HCLS1: variants seen among roughly 807,000 people sequenced by gnomAD.
HCLS1 encodes the protein hematopoietic cell-specific Lyn substrate 1, also known as hematopoietic lineage cell-specific protein.
In HCLS1, 44 loss-of-function variants were observed where a neutral mutation model predicts 68.6. The observed-to-expected ratio is 0.64, with a 90% CI of 0.50 to 0.82. The LOEUF (loss-of-function observed/expected upper bound fraction) is 0.82, where lower values mean the gene tolerates loss of function less well. Among genes scored for constraint, HCLS1 ranks in the 40% least tolerant of loss-of-function variants. The probability of loss-of-function intolerance (pLI) is 0.00; values close to 1 mark genes in which losing one functional copy is unlikely to be tolerated. For missense variants in HCLS1, 602 were observed against 612.1 expected, an observed-to-expected ratio of 0.98 and a Z score of 0.17; for synonymous variants, 217 against 225.8, an observed-to-expected ratio of 0.96 and a Z score of 0.35.
At chr3:121,646,378 TATGTAATATATTAC>T (rs1937605084) in intron 4 of HCLS1, among the ~76,000 whole-genome samples, 2 of 49,574 alleles carry the variant, frequency 4.0e-5, no homozygotes, top group Non-Finnish European at 7.6e-5. Flanking sequence ...ATATTATTAC[TATGTAATATATTAC>T]TATGTAATAT....
At chr3:121,644,792 G>A (rs773456612) in intron 5 of HCLS1, 26 bp downstream of exon 5, 5 of 1,487,330 alleles carry the variant, frequency 3.4e-6, no homozygotes, top group Non-Finnish European at 2.8e-6. Context: ...GGAGGTGGGT[G>A]GTTGGGAGAG....
In HCLS1 at chr3:121,657,213, TCTCCGAGTTTTC is replaced by T. The variant is rs1273518238; in HGVS notation, c.158+54_158+65del. ...TTTTCCTCCCTCACCTTCCCCCAAGTCTCCGAGTTTTCTTTGGGCTCTTCCCATAACCCCCTT... is the reference window on the plus strand; with the variant it reads ...TTTTCCTCCCTCACCTTCCCCCAAGTTTTGGGCTCTTCCCATAACCCCCTT... On this transcript the variant is annotated intron_variant, in intron 3 of 13. Transcript: ENST00000314583. 2.2e-5 allele frequency: 30 copies of T among 1,358,928 alleles called. No individual in the cohort carries two copies. In the African/African-American group the frequency reaches 4.1e-4, roughly 18 times the overall value. 84.2% of individuals were successfully genotyped at this position (1,358,928 alleles called of 1,614,324 possible).
At chr3:121,637,804 T>A (rs1399034132) in intron 6 of HCLS1, among the ~76,000 whole-genome samples, 1 of 152,034 alleles carries the variant, frequency 6.6e-6, no homozygotes, top group Non-Finnish European at 1.5e-5. Context: ...GGCATGGTGA[T>A]GTGCGTCTGT....
intron 3 of HCLS1, among the ~76,000 whole-genome samples, chr3:121,651,421 T>C (rs1937745632): frequency 6.6e-6 from 1 of 152,038 alleles, no homozygotes. Flanking sequence ...GTTGGTTTTG[T>C]TGTTGTTGTT....
chr3:121,636,509 G>C lies in HCLS1; in HGVS notation c.566-20C>G. ...CATAATCTGCAGGACAGAAAGTTCT[G>C]AGTTATAGGAGATCAAAATGCTGGG... On this transcript the variant is annotated intron_variant, in intron 7 of 13. Coordinates refer to ENST00000314583, the MANE Select transcript of HCLS1 (RefSeq NM_005335.6). 1 of 1,600,154 alleles carries C rather than the reference G, an allele frequency of 6.2e-7. No homozygotes were observed. Among genetic ancestry groups the C allele is most frequent in the Non-Finnish European group, 8.6e-7 (1 of 1,167,952 alleles).
chr3:121,644,262 T>C (rs1003601979), intron 5 of HCLS1: 2 of 209,862 alleles, frequency 9.5e-6, no homozygotes, highest in African/African-American at 2.3e-5. Flanking sequence ...GTCAACGATA[T>C]GATGCTGTAA....
intron 3 of HCLS1, among the ~76,000 whole-genome samples, chr3:121,651,428 T>C (rs1019097868): frequency 3.9e-5 from 6 of 152,108 alleles, no homozygotes; most frequent in Admixed American, 6.5e-5. Flanking sequence ...TTGTTGTTGT[T>C]GTTGTTGTTT....
chr3:121,639,238 A>C (rs2049176303), intron 6 of HCLS1, among the ~76,000 whole-genome samples: 1 of 152,188 alleles, frequency 6.6e-6, no homozygotes, highest in African/African-American at 2.4e-5. Flanking sequence ...ACAACACTAT[A>C]CCCCAAACTA....
chr3:121,647,578 T>G (rs978061586), intron 3 of HCLS1, 130 bp from the exon 4 acceptor site: 7 of 809,596 alleles, frequency 8.6e-6, no homozygotes, highest in Admixed American at 7.7e-5. Context: ...CAAAATATAC[T>G]AGTGATGGGT....
chr3:121,643,111 T>G, intron 5 of HCLS1, 130 bp from the exon 6 acceptor site: 1 of 713,224 alleles, frequency 1.4e-6, no homozygotes. Flanking sequence ...AGGTGTTTAA[T>G]GTAGAAACAG....
chr3:121,651,030 G>A (rs1158943328), intron 3 of HCLS1, among the ~76,000 whole-genome samples: 1 of 152,142 alleles, frequency 6.6e-6, no homozygotes, highest in African/African-American at 2.4e-5. Flanking sequence ...AGCTACTCAG[G>A]AGGCTGAAGC....
At chr3:121,642,511 C>G (rs558455819) in intron 6 of HCLS1, among the ~76,000 whole-genome samples, 1 of 151,698 alleles carries the variant, frequency 6.6e-6, no homozygotes, top group Admixed American at 6.6e-5. Context: ...GGTGTGGTGG[C>G]TCATGCCTGT....
At chr3:121,643,858 G>A (rs2049222145) in intron 5 of HCLS1, 1 of 152,220 alleles carries the variant, frequency 6.6e-6, no homozygotes, top group South Asian at 2.1e-4. Flanking sequence ...GTGGTGCCAA[G>A]ATGGAACAGG....
At chr3:121,646,644 AT>A (rs1937611622) in intron 4 of HCLS1, among the ~76,000 whole-genome samples, 1 of 117,378 alleles carries the variant, frequency 8.5e-6, no homozygotes, top group Non-Finnish European at 1.6e-5. Flanking sequence ...TATATATTAT[AT>A]TATATATACT....
rs761917549 is a variant in HCLS1, at chr3:121,632,203, A to G, written c.1241-19T>C. 1 of 1,612,822 alleles carries G rather than the reference A, an allele frequency of 6.2e-7. No homozygotes were observed. On this transcript the variant is annotated intron_variant, in intron 12 of 13. Transcript: ENST00000314583. ...GATGATCCTGCATAATGAGAAACAC[A>G]AACATGGGATCATCAACATGAAGAA... is the stretch of plus-strand genomic sequence containing the variant.
At chr3:121,646,457 T>A (rs1326970941) in intron 4 of HCLS1, among the ~76,000 whole-genome samples, 1 of 103,306 alleles carries the variant, frequency 9.7e-6, no homozygotes, top group African/African-American at 4.0e-5. Flanking sequence ...TTATATATTA[T>A]ATATGATATA....
At chr3:121,650,954 G>A (rs550804867) in intron 3 of HCLS1, among the ~76,000 whole-genome samples, 4 of 152,102 alleles carry the variant, frequency 2.6e-5, no homozygotes, top group Non-Finnish European at 5.9e-5. Context: ...TAGCCACTAT[G>A]GTGAAACCCC....
At chr3:121,634,635 A>T (rs545814382) in intron 9 of HCLS1, among the ~76,000 whole-genome samples, 1 of 150,796 alleles carries the variant, frequency 6.6e-6, no homozygotes, top group East Asian at 1.9e-4. Context: ...ACGACCTAAG[A>T]CTCGTGTCTT....
intron 3 of HCLS1, among the ~76,000 whole-genome samples, chr3:121,651,723 T>C (rs551542745): frequency 6.6e-5 from 10 of 152,296 alleles, no homozygotes; most frequent in Admixed American, 2.0e-4. Flanking sequence ...CCCAGCTAAA[T>C]TTAAAAATAC....
Sources: gnomAD v4.1 joint callset for allele counts (sites outside exome capture counted in the v4.1 genomes callset) on GRCh38, gnomAD v4.1.1 for gene constraint, MANE v1.5 for transcripts, NCBI Gene and HGNC (gene_info 2026-07-23, HGNC 2026-07-21) for gene names.